Variants in PRR33 observed in about 807,000 individuals in gnomAD.
PRR33 encodes the protein proline rich 33, also known as proline-rich protein 33.
Under a neutral mutation model 0.5 loss-of-function variants are expected in PRR33, and 1 was observed. The observed-to-expected ratio is 2.18, with a 90% CI of 0.77 to 10.34. The LOEUF (loss-of-function observed/expected upper bound fraction) is 10.34, where lower values mean the gene tolerates loss of function less well. Ranked by LOEUF, PRR33 falls within the 30% of genes most tolerant of loss-of-function variation. The pLI, the probability that PRR33 is intolerant of heterozygous loss-of-function variation, is 0.13. For missense variants in PRR33, 552 were observed against 251.8 expected (o/e 2.19, Z -8.07); for synonymous variants, 226 against 110.0 (o/e 2.06, Z -6.60).
chr11:1,894,607 C>A (rs1849103954), upstream of PRR33, among the ~76,000 whole-genome samples: 1 of 152,136 alleles, frequency 6.6e-6, no homozygotes, highest in South Asian at 2.1e-4. Flanking sequence ...TGACTTCTGT[C>A]ACGTAGCATA....
chr11:1,893,985 C>G (rs902242365), upstream of PRR33, among the ~76,000 whole-genome samples: 6 of 77,514 alleles, frequency 7.7e-5, no homozygotes, highest in African/African-American at 2.1e-4. Context: ...GGACAGAGAG[C>G]GGGAAGGATG....
At chr11:1,900,333 T>C in the PRR33 span, among the ~76,000 whole-genome samples, 3 of 152,220 alleles carry the variant, frequency 2.0e-5, no homozygotes, top group Non-Finnish European at 4.4e-5. Flanking sequence ...TACTGGCTGA[T>C]TTAGCATGAA....
exon 1 of PRR33, chr11:1,890,308 G>C: frequency 1.4e-6 from 1 of 711,552 alleles, no homozygotes; most frequent in African/African-American, 1.7e-5. Flanking sequence ...GGAAGGCGTG[G>C]GGCTTCGGCG....
At chr11:1,912,130 A>G in the PRR33 span, among the ~76,000 whole-genome samples, 3 of 151,276 alleles carry the variant, frequency 2.0e-5, no homozygotes, top group African/African-American at 7.3e-5. Flanking sequence ...CCAGGATCTC[A>G]CCATTGCACT....
At chr11:1,893,638 GGA>G (rs1434566681), upstream of PRR33, among the ~76,000 whole-genome samples, 4 of 151,756 alleles carry the variant, frequency 2.6e-5, no homozygotes, top group East Asian at 1.9e-4. Context: ...ATGGATGGAT[GGA>G]AGGAGCGATA....
At chr11:1,889,478 G>A (rs1292832344) in exon 1 of PRR33, 19 of 619,296 alleles carry the variant, frequency 3.1e-5, no homozygotes, top group Non-Finnish European at 4.7e-5. Flanking sequence ...CTGTGGGGGT[G>A]GGCACCTCTG....
the PRR33 span, among the ~76,000 whole-genome samples, chr11:1,905,477 C>T: frequency 1.4e-5 from 2 of 139,508 alleles, no homozygotes; most frequent in Non-Finnish European, 3.0e-5. Flanking sequence ...GTCGCTCTGT[C>T]GCCCAGGCTG....
exon 1 of PRR33, chr11:1,891,268 G>A (rs1315155154): frequency 6.6e-6 from 1 of 152,426 alleles, no homozygotes; most frequent in Non-Finnish European, 1.5e-5. Context: ...GGCACCACGT[G>A]TTTGCAAGGA....
chr11:1,912,395 T>C, the PRR33 span, among the ~76,000 whole-genome samples: 2 of 152,192 alleles, frequency 1.3e-5, no homozygotes, highest in Admixed American at 1.3e-4. Flanking sequence ...TTCCATGTTC[T>C]ATTTCTCCTG....
chr11:1,905,834 T>TG, the PRR33 span, among the ~76,000 whole-genome samples: 300 of 151,834 alleles, frequency 2.0e-3, 4 homozygotes, highest in African/African-American at 7.0e-3. Flanking sequence ...TTTCTTTTTG[T>TG]GGGGGGGACA....
At chr11:1,901,313 TA>T in the PRR33 span, among the ~76,000 whole-genome samples, 617 of 134,894 alleles carry the variant, frequency 4.6e-3, no homozygotes, top group Non-Finnish European at 5.1e-3. Flanking sequence ...ACACCACCTC[TA>T]AAAAAAAAAA....
chr11:1,912,087 C>T, the PRR33 span, among the ~76,000 whole-genome samples: 1 of 148,998 alleles, frequency 6.7e-6, no homozygotes, highest in Admixed American at 6.7e-5. Flanking sequence ...TGGGGGAGAT[C>T]GCTTGAGCCC....
At chr11:1,894,109 A>AGT (rs1157393864), upstream of PRR33, among the ~76,000 whole-genome samples, 10 of 10,072 alleles carry the variant, frequency 9.9e-4, no homozygotes, top group African/African-American at 4.1e-3. Flanking sequence ...CCGGGCTGGG[A>AGT]GTGTGTGTGT....
the PRR33 span, chr11:1,903,200 C>G: frequency 1.3e-5 from 2 of 152,092 alleles, no homozygotes; most frequent in African/African-American, 4.8e-5. Context: ...CTGGTTCACA[C>G]GCCTCAGACA....
chr11:1,895,904 C>T (rs993319410), upstream of PRR33, among the ~76,000 whole-genome samples: 4 of 152,152 alleles, frequency 2.6e-5, no homozygotes, highest in Middle Eastern at 3.4e-3. Flanking sequence ...GCTACTTGGG[C>T]GGCTGAGGTG....
chr11:1,917,524 G>T, the PRR33 span, among the ~76,000 whole-genome samples: 2 of 152,296 alleles, frequency 1.3e-5, no homozygotes, highest in Admixed American at 1.3e-4. Flanking sequence ...ACCCAGGCTG[G>T]GCCTCCCTTG....
the PRR33 span, among the ~76,000 whole-genome samples, chr11:1,915,262 CT>C: frequency 2.2e-5 from 3 of 139,138 alleles, no homozygotes; most frequent in Non-Finnish European, 4.6e-5. Context: ...TGTGTGTGTT[CT>C]GGGATCACAT....
chr11:1,895,041 C>A (rs912293609), upstream of PRR33, among the ~76,000 whole-genome samples: 1 of 152,232 alleles, frequency 6.6e-6, no homozygotes, highest in African/African-American at 2.4e-5. Flanking sequence ...ACCACTGATA[C>A]ATCTTGCTGG....
chr11:1,908,761 G>A, the PRR33 span, among the ~76,000 whole-genome samples: 8 of 152,106 alleles, frequency 5.3e-5, no homozygotes, highest in African/African-American at 1.4e-4. Context: ...GAACTTATAC[G>A]TCTCATTTCC....
Sources: allele counts gnomAD v4.1 joint callset (sites outside exome capture counted in the v4.1 genomes callset), GRCh38; gene constraint gnomAD v4.1.1; transcripts MANE v1.5; gene names NCBI Gene and HGNC (gene_info 2026-07-23, HGNC 2026-07-21).